KIAA1549L: variants seen among roughly 807,000 people sequenced by gnomAD.
KIAA1549L encodes the protein KIAA1549 like, also known as UPF0606 protein KIAA1549L.
Under a neutral mutation model 160.7 loss-of-function variants are expected in KIAA1549L, and 88 were observed. The observed-to-expected ratio is 0.55, with a 90% confidence interval of 0.46 to 0.65. The LOEUF is 0.65. Ranked by LOEUF, KIAA1549L falls within the 30% of genes least tolerant of loss-of-function variation. The probability of loss-of-function intolerance (pLI) is 0.00; values close to 1 mark genes in which losing one functional copy is unlikely to be tolerated. For missense variants in KIAA1549L, 2,258 were observed against 2,437.5 expected (o/e 0.93, Z 1.55); for synonymous variants, 950 against 976.7 (o/e 0.97, Z 0.51).
intron 1 of KIAA1549L, among the ~76,000 whole-genome samples, chr11:33,461,503 T>G (rs1851942780): frequency 6.6e-6 from 1 of 152,242 alleles, no homozygotes; most frequent in Admixed American, 6.5e-5. Context: ...ATCACTGAAC[T>G]GGGATCTTGC....
At chr11:33,498,285 A>G (rs957118675) in intron 1 of KIAA1549L, among the ~76,000 whole-genome samples, 7 of 151,798 alleles carry the variant, frequency 4.6e-5, no homozygotes, top group Admixed American at 4.6e-4. Flanking sequence ...CCTCTTTCCA[A>G]TTTTTTCTCT....
At chr11:33,409,718 A>G (rs557209248) in intron 1 of KIAA1549L, among the ~76,000 whole-genome samples, 2 of 149,270 alleles carry the variant, frequency 1.3e-5, no homozygotes, top group Non-Finnish European at 3.0e-5. Flanking sequence ...CCCTTTCTCA[A>G]TTTAAAATGA....
intron 1 of KIAA1549L, among the ~76,000 whole-genome samples, chr11:33,409,431 A>G (rs891749564): frequency 1.3e-5 from 2 of 152,234 alleles, no homozygotes; most frequent in Admixed American, 6.5e-5. Context: ...TAAAGAACAA[A>G]GGAGGTAGCG....
At chr11:33,470,196 G>A (rs886260439) in intron 1 of KIAA1549L, among the ~76,000 whole-genome samples, 1 of 152,014 alleles carries the variant, frequency 6.6e-6, no homozygotes, top group Admixed American at 6.6e-5. Flanking sequence ...TTTTGTATAT[G>A]GTGTGAGGTA....
At chr11:33,662,046 G>A (rs940606180) in intron 20 of KIAA1549L, among the ~76,000 whole-genome samples, 2 of 151,956 alleles carry the variant, frequency 1.3e-5, no homozygotes, top group Non-Finnish European at 2.9e-5. Flanking sequence ...CCTCTCCTCC[G>A]TTAAAAGAGT....
intron 1 of KIAA1549L, among the ~76,000 whole-genome samples, chr11:33,496,950 C>T (rs1388648717): frequency 6.6e-6 from 1 of 152,142 alleles, no homozygotes; most frequent in Non-Finnish European, 1.5e-5. Flanking sequence ...CTCCTTTCAA[C>T]CTCATTTCTA....
intron 6 of KIAA1549L, among the ~76,000 whole-genome samples, chr11:33,552,653 AACACACACACACACACACACACACAC>A (rs761358417): frequency 4.6e-5 from 6 of 131,450 alleles, no homozygotes; most frequent in South Asian, 2.7e-4. Context: ...GACACATGCC[AACACACACACACACACACACACACAC>A]ACACACACAC....
chr11:33,479,052 C>T (rs191410658), intron 1 of KIAA1549L, among the ~76,000 whole-genome samples: 52 of 152,152 alleles, frequency 3.4e-4, no homozygotes, highest in East Asian at 2.1e-3. Context: ...GAGATGAAGA[C>T]ATATATGGGA....
intron 12 of KIAA1549L, among the ~76,000 whole-genome samples, chr11:33,595,938 C>T (rs1228924525): frequency 2.0e-5 from 3 of 152,100 alleles, no homozygotes; most frequent in African/African-American, 7.2e-5. Context: ...CCTTTTCCTC[C>T]AGTGTAGGGT....
chr11:33,540,881 T>G (rs1186271880), intron 1 of KIAA1549L, among the ~76,000 whole-genome samples: 1 of 152,108 alleles, frequency 6.6e-6, no homozygotes, highest in Non-Finnish European at 1.5e-5. Context: ...TAAAATCAAG[T>G]CAACAAACCT....
At chr11:33,571,080 G>A (rs1180920969) in intron 9 of KIAA1549L, among the ~76,000 whole-genome samples, 2 of 152,114 alleles carry the variant, frequency 1.3e-5, no homozygotes, top group Non-Finnish European at 2.9e-5. Flanking sequence ...GTCAAGAGAT[G>A]GAGACCATTC....
rs188902214 is a variant in KIAA1549L at position 33,475,051 on chromosome 11, G to A, written c.239-66751G>A. Among the ~76,000 whole-genome samples the A allele has an allele frequency of 3.9e-5, 6 of 152,258 alleles. No individual in the cohort carries two copies. The East Asian group carries it at 5.8e-4, about 15-fold the overall frequency. The stretch of plus-strand genomic sequence containing the variant: ...GTGTGGGTTTGCTGGTTGCTGCTGC[G>A]GAGCTGTGAACATTTAAAGCAGCGA... On this transcript the variant is annotated intron_variant, in intron 1 of 20. Transcript: ENST00000658780.
chr11:33,499,201 A>G (rs1393294647), intron 1 of KIAA1549L, among the ~76,000 whole-genome samples: 4 of 152,220 alleles, frequency 2.6e-5, no homozygotes, highest in Admixed American at 2.6e-4. Context: ...CTCTGTGTCC[A>G]AACTCAGGAA....
chr11:33,617,571 A>G (rs1437492097), intron 15 of KIAA1549L, among the ~76,000 whole-genome samples: 1 of 152,138 alleles, frequency 6.6e-6, no homozygotes, highest in Non-Finnish European at 1.5e-5. Context: ...GCCTTCCCTG[A>G]TCATCCTATC....
At chr11:33,398,067 G>A (rs1381562674) in intron 1 of KIAA1549L, among the ~76,000 whole-genome samples, 1 of 150,910 alleles carries the variant, frequency 6.6e-6, no homozygotes, top group East Asian at 2.0e-4. Context: ...GATTACAGGT[G>A]CCTGCCACCA....
chr11:33,650,492 T>C (rs538225948), intron 17 of KIAA1549L, among the ~76,000 whole-genome samples: 3 of 152,160 alleles, frequency 2.0e-5, no homozygotes, highest in Non-Finnish European at 4.4e-5. Flanking sequence ...ACCTACATGA[T>C]GTTGGGTAGG....
At chr11:33,629,639 C>G (rs1031994997) in intron 16 of KIAA1549L, among the ~76,000 whole-genome samples, 17 of 151,754 alleles carry the variant, frequency 1.1e-4, no homozygotes, top group African/African-American at 3.9e-4. Flanking sequence ...TCAGCTCCAT[C>G]AGCTCCTTTA....
At chr11:33,526,053 A>G (rs1042668616) in intron 1 of KIAA1549L, among the ~76,000 whole-genome samples, 2 of 152,080 alleles carry the variant, frequency 1.3e-5, no homozygotes, top group African/African-American at 4.8e-5. Context: ...CCACCCTGGT[A>G]GCCGAAGACA....
intron 1 of KIAA1549L, among the ~76,000 whole-genome samples, chr11:33,437,279 G>A (rs924512025): frequency 5.3e-5 from 8 of 152,066 alleles, no homozygotes; most frequent in South Asian, 2.1e-4. Context: ...GTAGCCTTTC[G>A]TGGTTGTGAA....
Sources: gnomAD v4.1 joint callset for allele counts (sites outside exome capture counted in the v4.1 genomes callset) on GRCh38, gnomAD v4.1.1 for gene constraint, MANE v1.5 for transcripts, NCBI Gene and HGNC (gene_info 2026-07-23, HGNC 2026-07-21) for gene names.